The following GALNT13 variants were observed in gnomAD, a reference collection of about 807,000 sequenced individuals.
GALNT13 encodes UDP-GalNAc:polypeptide N-acetylgalactosaminyltransferase 13.
In GALNT13, 28 loss-of-function variants were observed where a neutral mutation model predicts 64.2. That is an observed-to-expected ratio of 0.44 (90% confidence interval 0.32 to 0.60). GALNT13 has a LOEUF of 0.60. Among genes scored for constraint, GALNT13 ranks in the 20% least tolerant of loss-of-function variants. GALNT13 has a pLI of 0.05. For missense variants in GALNT13, 577 were observed against 669.8 expected (o/e 0.86, Z 1.53); for synonymous variants, 214 against 224.6 (o/e 0.95, Z 0.42).
intron 2 of GALNT13, among the ~76,000 whole-genome samples, chr2:153,938,974 G>A (rs1309338646): frequency 6.6e-6 from 1 of 152,044 alleles, no homozygotes; most frequent in Non-Finnish European, 1.5e-5. Context: ...AAATATATTG[G>A]AGTGAGAGAG....
At chr2:153,685,740 G>A in the GALNT13 span, among the ~76,000 whole-genome samples, 4 of 151,922 alleles carry the variant, frequency 2.6e-5, no homozygotes, top group African/African-American at 7.2e-5. Context: ...ATCGTTGCCC[G>A]TGCTTATGCC....
At chr2:153,590,016 G>A in the GALNT13 span, among the ~76,000 whole-genome samples, 1 of 151,946 alleles carries the variant, frequency 6.6e-6, no homozygotes, top group Non-Finnish European at 1.5e-5. Context: ...TAAGATCAGA[G>A]CACAACTAGA....
intron 9 of GALNT13, among the ~76,000 whole-genome samples, chr2:154,304,655 G>T: frequency 6.6e-6 from 1 of 152,172 alleles, no homozygotes; most frequent in East Asian, 1.9e-4. Context: ...ACTTTAGAAT[G>T]TAAAGCATGG....
At chr2:153,713,276 A>G in the GALNT13 span, among the ~76,000 whole-genome samples, 2 of 152,164 alleles carry the variant, frequency 1.3e-5, no homozygotes, top group Non-Finnish European at 2.9e-5. Flanking sequence ...TAATACCCTT[A>G]TTCATTTCTC....
chr2:153,871,220 G>A (rs6760079), upstream of GALNT13, among the ~76,000 whole-genome samples: 125,084 of 152,164 alleles, frequency 0.82, 52,647 homozygotes, highest in Non-Finnish European at 0.9. Context: ...GCCTGAGAAA[G>A]GAATTCAAAG....
chr2:153,776,295 G>A, the GALNT13 span, among the ~76,000 whole-genome samples: 10 of 152,130 alleles, frequency 6.6e-5, no homozygotes, highest in African/African-American at 2.2e-4. Flanking sequence ...AGGGAGAGTT[G>A]TTTATGTTTT....
At chr2:154,316,552 C>T (rs977828004) in intron 9 of GALNT13, among the ~76,000 whole-genome samples, 3 of 152,046 alleles carry the variant, frequency 2.0e-5, no homozygotes, top group Non-Finnish European at 2.9e-5. Flanking sequence ...ACACAATACC[C>T]GAGAGTGGGT....
chr2:154,350,554 G>A (rs1305396416), intron 9 of GALNT13, among the ~76,000 whole-genome samples: 7 of 152,202 alleles, frequency 4.6e-5, no homozygotes, highest in African/African-American at 1.4e-4. Context: ...GACTGGCTTA[G>A]TTGATCCACA....
At chr2:154,421,864 A>G (rs1700269689) in intron 11 of GALNT13, among the ~76,000 whole-genome samples, 1 of 152,128 alleles carries the variant, frequency 6.6e-6, no homozygotes, top group Admixed American at 6.6e-5. Flanking sequence ...ATAAATAGGC[A>G]CACAAACCAT....
chr2:154,380,593 A>G (rs965516757), intron 9 of GALNT13, among the ~76,000 whole-genome samples: 1 of 152,076 alleles, frequency 6.6e-6, no homozygotes, highest in African/African-American at 2.4e-5. Flanking sequence ...ACTTAATGCT[A>G]TCAGCATCAA....
chr2:154,190,239 A>G (rs1190545853), intron 4 of GALNT13, among the ~76,000 whole-genome samples: 2 of 152,216 alleles, frequency 1.3e-5, no homozygotes, highest in Admixed American at 1.3e-4. Flanking sequence ...TCAAGGCTCA[A>G]AAACTTGATG....
the GALNT13 span, among the ~76,000 whole-genome samples, chr2:153,105,397 C>G: frequency 2.0e-5 from 3 of 152,054 alleles, no homozygotes; most frequent in African/African-American, 4.8e-5. Context: ...CTATCTATGA[C>G]AAACCCACAG....
At position 153,924,005 on chromosome 2, in the gene GALNT13, G is replaced by A. The variant is rs144108514; in HGVS notation, c.-104-20389G>A. Among the ~76,000 whole-genome samples, 1,280 of 152,076 alleles carry A rather than the reference G, an allele frequency of 8.4e-3. 21 individuals carry two copies. The highest frequency in any genetic ancestry group is 0.03 in the African/African-American group (1,227 of 41,478). On this transcript the variant is annotated intron_variant, in intron 2 of 12. Coordinates refer to ENST00000392825, the MANE Select transcript of GALNT13 (RefSeq NM_052917.4). Reference sequence around the variant, plus strand: ...GAATAGTGCCACAATAAACATACATGTGCATGTGTCTTTATAGCAGCATGT... The same window carrying A: ...GAATAGTGCCACAATAAACATACATATGCATGTGTCTTTATAGCAGCATGT...
intron 3 of GALNT13, among the ~76,000 whole-genome samples, chr2:154,044,715 G>C (rs949597293): frequency 6.6e-6 from 1 of 152,182 alleles, no homozygotes; most frequent in East Asian, 1.9e-4. Flanking sequence ...TGAAGGGGAA[G>C]GAGAATGAAG....
intron 3 of GALNT13, among the ~76,000 whole-genome samples, chr2:153,976,576 A>T (rs1694091262): frequency 6.6e-6 from 1 of 152,144 alleles, no homozygotes; most frequent in Non-Finnish European, 1.5e-5. Context: ...AGAACAAGCT[A>T]TATTGGAATC....
chr2:154,202,456 GGA>G (rs1301718417), intron 4 of GALNT13, among the ~76,000 whole-genome samples: 5 of 151,932 alleles, frequency 3.3e-5, no homozygotes, highest in Admixed American at 6.6e-5. Context: ...ATTCTTAAGT[GGA>G]CACTTTACAG....
intron 1 of GALNT13, among the ~76,000 whole-genome samples, chr2:153,897,101 A>G (rs1574067472): frequency 1.3e-5 from 2 of 152,136 alleles, no homozygotes; most frequent in Non-Finnish European, 2.9e-5. Flanking sequence ...TGCAGACATC[A>G]TGCTTCCTTA....
intron 3 of GALNT13, among the ~76,000 whole-genome samples, chr2:154,096,140 A>C (rs1354035831): frequency 6.6e-6 from 1 of 152,010 alleles, no homozygotes; most frequent in Non-Finnish European, 1.5e-5. Context: ...AAACAAATTG[A>C]AATTGAATTT....
At chr2:153,181,470 T>G in the GALNT13 span, among the ~76,000 whole-genome samples, 1 of 151,712 alleles carries the variant, frequency 6.6e-6, no homozygotes, top group African/African-American at 2.4e-5. Flanking sequence ...TTGAGAAGAA[T>G]GTGCATTCAT....
Sources: allele counts gnomAD v4.1 joint callset (sites outside exome capture counted in the v4.1 genomes callset), GRCh38; gene constraint gnomAD v4.1.1; transcripts MANE v1.5; gene names NCBI Gene and HGNC (gene_info 2026-07-23, HGNC 2026-07-21).